Variants in SEM1 observed in about 807,000 individuals in gnomAD.
SEM1 encodes SEM1 26S proteasome subunit.
A neutral mutation model predicts 12.7 loss-of-function variants in SEM1; 3 were observed. That is an observed-to-expected ratio of 0.24 (90% CI 0.11 to 0.61). SEM1 has a LOEUF of 0.61. SEM1 is among the 20% of genes least tolerant of loss of function. The probability of loss-of-function intolerance (pLI) is 0.88; values close to 1 mark genes in which losing one functional copy is unlikely to be tolerated. For missense variants in SEM1, 59 were observed against 81.3 expected (o/e 0.73, Z 1.06); for synonymous variants, 30 against 27.8 (o/e 1.08, Z -0.25).
chr7:96,631,341 C>CA (rs1808252369), intron 2 of SEM1, among the ~76,000 whole-genome samples: 1 of 152,158 alleles, frequency 6.6e-6, no homozygotes, highest in Admixed American at 6.5e-5. Context: ...GGATTAAATG[C>CA]TCCCTCCATG....
chr7:96,515,841 G>A (rs1027619048), intron 2 of SEM1, among the ~76,000 whole-genome samples: 4 of 152,008 alleles, frequency 2.6e-5, no homozygotes, highest in Non-Finnish European at 4.4e-5. Flanking sequence ...ACACAGGGAC[G>A]CAGGGCAGGG....
At chr7:96,532,543 T>C (rs1424701637) in intron 2 of SEM1, among the ~76,000 whole-genome samples, 1 of 152,146 alleles carries the variant, frequency 6.6e-6, no homozygotes. Context: ...CATTTAAAAA[T>C]GGTGCATGTT....
chr7:96,496,969 T>C (rs1803300761), upstream of SEM1, among the ~76,000 whole-genome samples: 1 of 151,658 alleles, frequency 6.6e-6, no homozygotes, highest in Admixed American at 6.6e-5. Context: ...GTATTCTTCC[T>C]GGGTCTCCTA....
chr7:96,689,068 A>T (rs1049888139), intron 2 of SEM1, 102 bp from the exon 3 acceptor site: 16 of 669,906 alleles, frequency 2.4e-5, no homozygotes, highest in Admixed American at 5.3e-5. Flanking sequence ...TGCCTGAGAC[A>T]TCAATTTACA....
rs376015941 is a variant in SEM1, at chr7:96,583,147, G to A, written c.171-76449C>T. ...TCCCTCTACACACTGCTTTGAATGC[G>A]TCCCAGAGATTCTGGTATGTTGTGT... On this transcript the variant is annotated intron_variant and NMD_transcript_variant, in intron 2 of 3. Coordinates refer to the SEM1 transcript ENST00000466986. 2.7e-3 allele frequency among the ~76,000 whole-genome samples: 403 copies of A among 150,686 alleles called. 7 individuals are homozygous for A. In the East Asian group the frequency reaches 0.066, roughly 24 times the overall value.
At chr7:96,496,441 C>G (rs961895731), upstream of SEM1, 5 of 578,056 alleles carry the variant, frequency 8.6e-6, no homozygotes, top group Non-Finnish European at 1.5e-5. Flanking sequence ...ACTGCCCCCC[C>G]CAACAAATGG....
intron 2 of SEM1, among the ~76,000 whole-genome samples, chr7:96,602,253 CA>C (rs1311419698): frequency 1.3e-5 from 2 of 152,138 alleles, no homozygotes; most frequent in African/African-American, 4.8e-5. Flanking sequence ...AACAGAGGAC[CA>C]GACTTTAATG....
At chr7:96,658,941 G>T (rs1300879791) in intron 2 of SEM1, among the ~76,000 whole-genome samples, 3 of 151,798 alleles carry the variant, frequency 2.0e-5, no homozygotes, top group Non-Finnish European at 4.4e-5. Flanking sequence ...CTTGAAGGGG[G>T]CACCTTTTTT....
chr7:96,671,100 A>G (rs1360183704), downstream of SEM1, among the ~76,000 whole-genome samples: 4 of 152,212 alleles, frequency 2.6e-5, no homozygotes, highest in African/African-American at 9.6e-5. Flanking sequence ...CTCAGTGAGA[A>G]TAGCAAGCCC....
exon 4 of SEM1, chr7:96,483,878 G>A (rs1563021392): frequency 3.3e-6 from 5 of 1,536,692 alleles, no homozygotes; most frequent in Non-Finnish European, 4.4e-6. Context: ...TCTTTCTGCT[G>A]GGGCCAGATT....
chr7:96,652,848 TTTTC>T (rs1383993741), intron 2 of SEM1, among the ~76,000 whole-genome samples: 2 of 152,340 alleles, frequency 1.3e-5, no homozygotes, highest in Admixed American at 1.3e-4. Flanking sequence ...ATGATCCCCC[TTTTC>T]TTTGTTTCCA....
In SEM1 at chr7:96,488,996, A is replaced by T. The variant is rs114493361; in HGVS notation, c.13-2579T>A. Among the ~76,000 whole-genome samples the T allele has an allele frequency of 6.7e-3, 1,023 of 152,212 alleles. 11 individuals carry two copies. The highest frequency in any genetic ancestry group is 0.023 in the African/African-American group (972 of 41,540). On this transcript the variant is annotated intron_variant, in intron 1 of 3. Coordinates refer to the SEM1 transcript ENST00000356686. ...GCGTACAGATACAATCTTAATGTAG[A>T]GTCTGGGTGGCTATAGACCTGAATA...
intron 2 of SEM1, among the ~76,000 whole-genome samples, chr7:96,585,358 T>G (rs1305145307): frequency 1.3e-5 from 2 of 152,232 alleles, no homozygotes; most frequent in Non-Finnish European, 2.9e-5. Context: ...GGAGAACCAC[T>G]GCTCTCTTTA....
At chr7:96,511,400 T>C (rs1278772557) in intron 2 of SEM1, among the ~76,000 whole-genome samples, 1 of 152,112 alleles carries the variant, frequency 6.6e-6, no homozygotes, top group Non-Finnish European at 1.5e-5. Context: ...GAGAGATTCT[T>C]TTTGATTGAA....
chr7:96,606,815 A>G (rs1807394981), intron 2 of SEM1, among the ~76,000 whole-genome samples: 1 of 152,110 alleles, frequency 6.6e-6, no homozygotes, highest in Non-Finnish European at 1.5e-5. Context: ...ATGTGTTATT[A>G]TATCATCTTA....
At chr7:96,674,195 G>C (rs1490221215) in intron 2 of SEM1, among the ~76,000 whole-genome samples, 1 of 151,800 alleles carries the variant, frequency 6.6e-6, no homozygotes, top group Non-Finnish European at 1.5e-5. Flanking sequence ...TGTCTTCCTT[G>C]TCTCCACCAC....
intron 2 of SEM1, among the ~76,000 whole-genome samples, chr7:96,524,621 A>G (rs920207658): frequency 2.6e-5 from 4 of 152,108 alleles, no homozygotes; most frequent in African/African-American, 9.6e-5. Flanking sequence ...TATGATTAAT[A>G]ACATTACTTT....
intron 2 of SEM1, among the ~76,000 whole-genome samples, chr7:96,556,352 C>T (rs372633569): frequency 1.4e-4 from 21 of 151,998 alleles, no homozygotes; most frequent in South Asian, 1.3e-3. Flanking sequence ...CCATGTTTAG[C>T]GCTTCCTTCA....
intron 2 of SEM1, among the ~76,000 whole-genome samples, chr7:96,627,919 A>G (rs1339241976): frequency 1.3e-5 from 2 of 152,036 alleles, no homozygotes; most frequent in African/African-American, 4.8e-5. Context: ...CTTTAGCTCT[A>G]ATAATATTTG....
Sources: allele counts gnomAD v4.1 joint callset (sites outside exome capture counted in the v4.1 genomes callset), GRCh38; gene constraint gnomAD v4.1.1; transcripts MANE v1.5; gene names NCBI Gene and HGNC (gene_info 2026-07-23, HGNC 2026-07-21).